The following EDIL3 variants were observed in gnomAD, a reference collection of about 807,000 sequenced individuals.
EDIL3 encodes the protein EGF like and discoidin domains 3, also known as EGF-like repeat and discoidin I-like domain-containing protein 3.
A neutral mutation model predicts 67.4 loss-of-function variants in EDIL3; 37 were observed. The ratio of observed to expected loss-of-function variants is 0.55; its 90% confidence interval spans 0.42 to 0.72. EDIL3 has a LOEUF of 0.72. Ranked by LOEUF, EDIL3 falls within the 30% of genes least tolerant of loss-of-function variation. EDIL3 has a pLI of 0.00. For missense variants in EDIL3, 527 were observed against 586.3 expected, an observed-to-expected ratio of 0.90 and a Z score of 1.04; for synonymous variants, 195 against 196.3, an observed-to-expected ratio of 0.99 and a Z score of 0.05.
At chr5:84,089,103 A>G (rs1185522388) in intron 6 of EDIL3, among the ~76,000 whole-genome samples, 1 of 152,190 alleles carries the variant, frequency 6.6e-6, no homozygotes, top group East Asian at 1.9e-4. Context: ...AGAAGTTCCC[A>G]AATGTTCCCT....
At chr5:84,032,944 G>A (rs1349194624) in intron 9 of EDIL3, among the ~76,000 whole-genome samples, 1 of 152,206 alleles carries the variant, frequency 6.6e-6, no homozygotes, top group Non-Finnish European at 1.5e-5. Context: ...CTTCCAAGAA[G>A]TTTGGCCTTG....
chr5:84,064,253 CAAAGAT>C (rs1486764029), intron 8 of EDIL3, among the ~76,000 whole-genome samples: 1 of 150,048 alleles, frequency 6.7e-6, no homozygotes, highest in Non-Finnish European at 1.5e-5. Context: ...GGTAGACAGA[CAAAGAT>C]AAAGTTCTTA....
rs187510253 is a variant in EDIL3 at position 84,117,169 on chromosome 5, A to C, written c.470-10339T>G. Among the ~76,000 whole-genome samples the C allele has an allele frequency of 4.6e-5, 7 of 151,576 alleles. No homozygotes were observed. The East Asian group carries it at 1.4e-3, about 30-fold the overall frequency. On this transcript the variant is annotated intron_variant, in intron 5 of 10. Transcript: ENST00000296591. ...CAGCCTCCTGAGTAGCTGGGACTAC[A>C]GGCGCCCACCATCACGCCCGGCTAA...
intron 1 of EDIL3, among the ~76,000 whole-genome samples, chr5:84,320,745 C>T (rs755710087): frequency 2.0e-5 from 3 of 152,120 alleles, no homozygotes; most frequent in Non-Finnish European, 4.4e-5. Context: ...TGTTCTGGTT[C>T]CAAGCCATCT....
intron 6 of EDIL3, among the ~76,000 whole-genome samples, chr5:84,091,821 C>T (rs1226412408): frequency 6.6e-6 from 1 of 152,154 alleles, no homozygotes; most frequent in Admixed American, 6.6e-5. Context: ...TGATGCAGTT[C>T]TATTAGAACT....
intron 3 of EDIL3, among the ~76,000 whole-genome samples, chr5:84,207,273 T>A (rs1170057062): frequency 6.6e-6 from 1 of 152,088 alleles, no homozygotes; most frequent in African/African-American, 2.4e-5. Flanking sequence ...GAGAGCCAAA[T>A]GATGAGTGAA....
chr5:84,001,801 G>T (rs1476190418), intron 9 of EDIL3, among the ~76,000 whole-genome samples: 1 of 152,046 alleles, frequency 6.6e-6, no homozygotes, highest in Non-Finnish European at 1.5e-5. Flanking sequence ...GGACTTAATG[G>T]CTTCACTGCT....
intron 1 of EDIL3, among the ~76,000 whole-genome samples, chr5:84,283,373 T>G (rs1745742376): frequency 6.6e-6 from 1 of 152,164 alleles, no homozygotes; most frequent in Non-Finnish European, 1.5e-5. Context: ...AAAGCACAAT[T>G]TTCTTCACCC....
At chr5:83,995,606 T>C (rs1745225342) in intron 9 of EDIL3, among the ~76,000 whole-genome samples, 1 of 152,184 alleles carries the variant, frequency 6.6e-6, no homozygotes, top group Admixed American at 6.5e-5. Flanking sequence ...TATCACATAA[T>C]TACTTTAGGG....
intron 10 of EDIL3, among the ~76,000 whole-genome samples, chr5:83,953,477 A>T (rs779904333): frequency 2.6e-5 from 4 of 151,836 alleles, no homozygotes; most frequent in Non-Finnish European, 4.4e-5. Flanking sequence ...TACCAAAAAG[A>T]AGAAAAGAAA....
At chr5:84,051,226 A>G (rs1746330891) in intron 9 of EDIL3, among the ~76,000 whole-genome samples, 1 of 152,204 alleles carries the variant, frequency 6.6e-6, no homozygotes, top group African/African-American at 2.4e-5. Context: ...CCTCCAGCAA[A>G]CTCCAACAGA....
intron 9 of EDIL3, among the ~76,000 whole-genome samples, chr5:84,035,528 G>A (rs373467323): frequency 6.6e-6 from 1 of 152,004 alleles, no homozygotes; most frequent in Admixed American, 6.6e-5. Context: ...TATAACTATT[G>A]TATTAATATT....
chr5:84,108,713 T>G (rs1183180165), intron 5 of EDIL3, among the ~76,000 whole-genome samples: 1 of 152,214 alleles, frequency 6.6e-6, no homozygotes, highest in Non-Finnish European at 1.5e-5. Flanking sequence ...GAGCCTAGCT[T>G]TTTAATAATA....
intron 10 of EDIL3, among the ~76,000 whole-genome samples, chr5:83,947,090 G>A (rs1744323060): frequency 6.6e-6 from 1 of 151,556 alleles, no homozygotes; most frequent in Non-Finnish European, 1.5e-5. Context: ...TCATCCCTCT[G>A]GGTTTTTGTT....
At chr5:84,243,137 G>C (rs934789497) in intron 2 of EDIL3, among the ~76,000 whole-genome samples, 4 of 152,136 alleles carry the variant, frequency 2.6e-5, no homozygotes, top group African/African-American at 9.7e-5. Context: ...AAAGGGAAAA[G>C]GGTGAGGAAA....
intron 4 of EDIL3, among the ~76,000 whole-genome samples, chr5:84,166,871 C>G (rs1025363866): frequency 6.6e-6 from 1 of 152,076 alleles, no homozygotes; most frequent in Admixed American, 6.6e-5. Context: ...GCAAAGGCCC[C>G]AGACTGGAAG....
chr5:84,141,141 A>G (rs1739909418), intron 4 of EDIL3, among the ~76,000 whole-genome samples: 1 of 152,046 alleles, frequency 6.6e-6, no homozygotes, highest in Non-Finnish European at 1.5e-5. Context: ...CAAATATACT[A>G]CTAGGTTATA....
chr5:84,309,576 G>A (rs916795010), intron 1 of EDIL3, among the ~76,000 whole-genome samples: 2 of 149,270 alleles, frequency 1.3e-5, no homozygotes, highest in Non-Finnish European at 3.0e-5. Flanking sequence ...TCCCACCTAT[G>A]AGCGAGAATA....
chr5:84,223,870 A>T (rs548572774), intron 3 of EDIL3, among the ~76,000 whole-genome samples: 1 of 151,668 alleles, frequency 6.6e-6, no homozygotes, highest in East Asian at 1.9e-4. Flanking sequence ...AACACATCAC[A>T]TTGTATACCT....
Sources: gnomAD v4.1 joint callset for allele counts (sites outside exome capture counted in the v4.1 genomes callset) on GRCh38, gnomAD v4.1.1 for gene constraint, MANE v1.5 for transcripts, NCBI Gene and HGNC (gene_info 2026-07-23, HGNC 2026-07-21) for gene names.